DLGAP2: variants seen among roughly 807,000 people sequenced by gnomAD.
DLGAP2 encodes the protein disks large-associated protein 2.
Under a neutral mutation model 100.3 loss-of-function variants are expected in DLGAP2, and 26 were observed. The observed-to-expected ratio is 0.26, with a 90% CI of 0.19 to 0.36. The LOEUF (loss-of-function observed/expected upper bound fraction) is 0.36, where lower values mean the gene tolerates loss of function less well. Ranked by LOEUF, DLGAP2 falls within the 10% of genes least tolerant of loss-of-function variation. The pLI, the probability that DLGAP2 is intolerant of heterozygous loss-of-function variation, is 1.00. For missense variants in DLGAP2, 1,858 were observed against 1,453.2 expected (o/e 1.28, Z -4.53); for synonymous variants, 886 against 630.1 (o/e 1.41, Z -6.08).
chr8:871,685 C>T (rs1267974410), intron 1 of DLGAP2, among the ~76,000 whole-genome samples: 2 of 152,016 alleles, frequency 1.3e-5, no homozygotes, highest in Non-Finnish European at 2.9e-5. Flanking sequence ...TAAGTATAGT[C>T]CATATCTTCC....
intron 1 of DLGAP2, among the ~76,000 whole-genome samples, chr8:800,116 C>A (rs1796117408): frequency 6.6e-6 from 1 of 152,104 alleles, no homozygotes; most frequent in South Asian, 2.1e-4. Flanking sequence ...TCTGCTGTCT[C>A]TAATCTGGTC....
intron 2 of DLGAP2, among the ~76,000 whole-genome samples, chr8:1,212,610 C>A (rs912058854): frequency 9.2e-5 from 14 of 152,096 alleles, no homozygotes; most frequent in African/African-American, 3.4e-4. Context: ...CAGACGTGGT[C>A]ATCAAGGAAG....
intron 1 of DLGAP2, among the ~76,000 whole-genome samples, chr8:803,633 A>G (rs1796212933): frequency 1.3e-5 from 2 of 152,000 alleles, no homozygotes; most frequent in South Asian, 4.2e-4. Flanking sequence ...TTCTTTTATA[A>G]AACTCGAATC....
intron 8 of DLGAP2, among the ~76,000 whole-genome samples, chr8:1,658,793 A>G (rs1023481040): frequency 7.9e-5 from 12 of 151,920 alleles, no homozygotes; most frequent in Non-Finnish European, 1.8e-4. Context: ...TCCTGGATTC[A>G]TTGATGTTTG....
chr8:1,614,063 C>T (rs35992977), intron 6 of DLGAP2, among the ~76,000 whole-genome samples: 44,304 of 151,964 alleles, frequency 0.29, 7,222 homozygotes, highest in African/African-American at 0.44. Flanking sequence ...TTGGAAGAGC[C>T]AGGTGGGGGA....
intron 2 of DLGAP2, among the ~76,000 whole-genome samples, chr8:912,806 G>C (rs1159507261): frequency 2.1e-5 from 3 of 143,184 alleles, no homozygotes; most frequent in Non-Finnish European, 4.7e-5. Context: ...TGTGGAGCCG[G>C]CTTCCCACAC....
At chr8:1,088,328 G>T (rs562847843) in intron 2 of DLGAP2, among the ~76,000 whole-genome samples, 1 of 152,244 alleles carries the variant, frequency 6.6e-6, no homozygotes, top group Non-Finnish European at 1.5e-5. Flanking sequence ...GTGGGACAGG[G>T]CACCAAGGGC....
chr8:1,554,192 G>A (rs186216339), intron 5 of DLGAP2, among the ~76,000 whole-genome samples: 18 of 152,312 alleles, frequency 1.2e-4, no homozygotes, highest in Admixed American at 6.5e-4. Flanking sequence ...GGAGGCCAAG[G>A]GCTGAGAATT....
At chr8:1,056,077 G>C (rs1338780387) in intron 2 of DLGAP2, among the ~76,000 whole-genome samples, 1 of 152,214 alleles carries the variant, frequency 6.6e-6, no homozygotes, top group East Asian at 1.9e-4. Flanking sequence ...TTTCACCACT[G>C]AGTAAGCATT....
intron 2 of DLGAP2, among the ~76,000 whole-genome samples, chr8:1,168,123 T>C (rs1190894443): frequency 4.2e-5 from 6 of 144,038 alleles, no homozygotes; most frequent in African/African-American, 1.5e-4. Context: ...TGAGTGAGAA[T>C]CTGCGGTGTT....
At chr8:1,341,175 C>A (rs999121279) in intron 3 of DLGAP2, among the ~76,000 whole-genome samples, 1 of 152,160 alleles carries the variant, frequency 6.6e-6, no homozygotes, top group African/African-American at 2.4e-5. Context: ...TACAACAAAT[C>A]CCCATGACAC....
At chr8:1,444,695 A>C (rs1364245260) in intron 3 of DLGAP2, among the ~76,000 whole-genome samples, 2 of 150,724 alleles carry the variant, frequency 1.3e-5, no homozygotes, top group African/African-American at 4.9e-5. Context: ...CACCATCTGC[A>C]GTCCCCTTTC....
intron 1 of DLGAP2, among the ~76,000 whole-genome samples, chr8:816,899 C>G (rs1355822436): frequency 6.6e-6 from 1 of 152,196 alleles, no homozygotes; most frequent in Non-Finnish European, 1.5e-5. Flanking sequence ...TTCTTAGAGG[C>G]TTTGTTCATA....
chr8:1,089,792 C>T (rs1388218270), intron 2 of DLGAP2, among the ~76,000 whole-genome samples: 1 of 152,200 alleles, frequency 6.6e-6, no homozygotes, highest in Non-Finnish European at 1.5e-5. Flanking sequence ...CATATCCATC[C>T]ATTCTTTCGC....
chr8:837,488 C>G (rs1796901015), intron 1 of DLGAP2, among the ~76,000 whole-genome samples: 1 of 152,124 alleles, frequency 6.6e-6, no homozygotes, highest in Non-Finnish European at 1.5e-5. Flanking sequence ...TTCTTTTCAA[C>G]ATTTTTATAG....
chr8:1,217,252 C>T (rs1356447454), intron 2 of DLGAP2, among the ~76,000 whole-genome samples: 2 of 152,138 alleles, frequency 1.3e-5, no homozygotes, highest in Non-Finnish European at 2.9e-5. Flanking sequence ...AGGATAATGG[C>T]CTCTAGCTGC....
At chr8:1,040,920 C>T (rs1802328321) in intron 2 of DLGAP2, among the ~76,000 whole-genome samples, 1 of 152,228 alleles carries the variant, frequency 6.6e-6, no homozygotes, top group South Asian at 2.1e-4. Context: ...TTGATCTAGG[C>T]TGTAAACCAG....
At chr8:1,369,811 C>G (rs982152836) in intron 3 of DLGAP2, 1 of 152,260 alleles carries the variant, frequency 6.6e-6, no homozygotes, top group Non-Finnish European at 1.5e-5. Flanking sequence ...TGCCGTGGTT[C>G]TCTGATGCTC....
chr8:1,071,033 A>G (rs1471877068), intron 2 of DLGAP2, among the ~76,000 whole-genome samples: 1 of 152,050 alleles, frequency 6.6e-6, no homozygotes. Flanking sequence ...CAGCGCCGGC[A>G]CCTCACTGAG....
Sources: allele counts gnomAD v4.1 joint callset (sites outside exome capture counted in the v4.1 genomes callset), GRCh38; gene constraint gnomAD v4.1.1; transcripts MANE v1.5; gene names NCBI Gene and HGNC (gene_info 2026-07-23, HGNC 2026-07-21).